Variants in TFRC observed in about 807,000 individuals in gnomAD.
TFRC encodes the protein transferrin receptor, also known as transferrin receptor protein 1.
Under a neutral mutation model 85.8 loss-of-function variants are expected in TFRC, and 35 were observed. The observed-to-expected ratio is 0.41, with a 90% CI of 0.31 to 0.54. TFRC has a LOEUF of 0.54. Among genes scored for constraint, TFRC ranks in the 20% least tolerant of loss-of-function variants. The pLI is 0.31. For synonymous variants in TFRC, 362 were observed against 328.6 expected (o/e 1.10, Z -1.10); for missense variants, 828 against 921.5 (o/e 0.90, Z 1.31).
rs543793578 is a variant in TFRC at position 196,060,037 on chromosome 3, A to G, written c.1536+143T>C. The G allele has an allele frequency of 2.7e-5, 17 of 620,130 alleles. No homozygotes were observed. In the South Asian group the frequency reaches 3.0e-4, roughly 11 times the overall value. 38.4% of individuals were successfully genotyped at this position (620,130 alleles called of 1,614,324 possible). ...ATCTCATATGGTTCAATAGGCAAGT[A>G]TCCCTTAAATAACGCTGCTATAAAA... On this transcript the variant is annotated intron_variant, in intron 14 of 18. Coordinates refer to ENST00000360110, the MANE Select transcript of TFRC (RefSeq NM_001128148.3).
chr3:196,065,327 C>T lies in TFRC; in HGVS notation c.1198+116G>A, dbSNP rs1717625822. ...TTAGGACAGACAAGATTGAGCACTT[C>T]ATAAAACCAAGCCAAGCCAGCATTC... is the stretch of plus-strand genomic sequence containing the variant. On this transcript the variant is annotated intron_variant, in intron 10 of 18. Coordinates refer to ENST00000360110, the MANE Select transcript of TFRC (RefSeq NM_001128148.3). 1.5e-5 allele frequency: 9 copies of T among 590,310 alleles called. No homozygotes were observed. The South Asian group carries it at 2.0e-4, about 13-fold the overall frequency. The allele number at this position is 590,310 out of a possible 1,614,324, so 36.6% of individuals were successfully genotyped here.
At position 196,050,950 on chromosome 3, in the gene TFRC, T is replaced by A; in HGVS notation, c.*992A>T. On this transcript the variant is annotated 3_prime_UTR_variant, in exon 19 of 19. Coordinates refer to ENST00000360110, the MANE Select transcript of TFRC (RefSeq NM_001128148.3). The stretch of plus-strand genomic sequence containing the variant: ...TTTTATTAGCAGATGCTGCTTTTAT[T>A]TAAAAAAAACCGACAGTATAACTGT... The A allele has an allele frequency of 5.0e-6, 1 of 199,868 alleles. No homozygotes were observed. Among genetic ancestry groups the A allele is most frequent in the Non-Finnish European group, 1.0e-5 (1 of 96,524 alleles). 12.4% of individuals were successfully genotyped at this position (199,868 alleles called of 1,614,324 possible). A position where few individuals can be genotyped will look rare whatever the true frequency, so the allele number is the denominator to read the frequency against.
chr3:196,067,454 T>C, intron 9 of TFRC, 64 bp downstream of exon 9: 2 of 1,506,726 alleles, frequency 1.3e-6, no homozygotes, highest in South Asian at 1.2e-5. Context: ...TTAATCAACA[T>C]ATTACCGTTC....
At position 196,060,233 on chromosome 3, in the gene TFRC, T is replaced by TG; in HGVS notation, c.1482dup (p.Lys495GlnfsTer13). On this transcript the variant is annotated frameshift_variant, in exon 14 of 19. Coordinates refer to ENST00000360110, the MANE Select transcript of TFRC (RefSeq NM_001128148.3). LOFTEE classifies it high-confidence loss of function. The stretch of plus-strand genomic sequence containing the variant: ...TACAACAGTGGGCTGGCAGAAACCT[T>TG]GAAGTTGCTGGTACCTGAAAATAAA... The TG allele has an allele frequency of 6.2e-7, 1 of 1,614,072 alleles. No individual in the cohort carries two copies. Among genetic ancestry groups the TG allele is most frequent in the Non-Finnish European group, 8.5e-7 (1 of 1,179,950 alleles).
intron 8 of TFRC, 46 bp downstream of exon 8, chr3:196,067,986 C>G: frequency 6.7e-7 from 1 of 1,496,492 alleles, no homozygotes. Context: ...AATCCAAGAA[C>G]AACTCAAGGA....
At chr3:196,071,941 A>G (rs1718244237) in intron 5 of TFRC, 62 bp downstream of exon 5, 68 of 1,559,592 alleles carry the variant, frequency 4.4e-5, no homozygotes, top group Non-Finnish European at 5.6e-5. Flanking sequence ...AGTCTTTGCT[A>G]TATTTAGCAC....
chr3:196,078,794 G>C (rs1338904308), intron 1 of TFRC, among the ~76,000 whole-genome samples: 1 of 149,216 alleles, frequency 6.7e-6, no homozygotes, highest in African/African-American at 2.5e-5. Context: ...TTTTTCTTGA[G>C]ACAGAGTTTC....
intron 18 of TFRC, 88 bp downstream of exon 18, chr3:196,053,330 C>CCTA: frequency 6.9e-7 from 1 of 1,454,678 alleles, no homozygotes; most frequent in South Asian, 1.2e-5. Flanking sequence ...ATTCTAGACT[C>CCTA]CTAGAGTTTG....
chr3:196,070,167 G>C (rs549102625), intron 6 of TFRC, among the ~76,000 whole-genome samples: 1 of 152,020 alleles, frequency 6.6e-6, no homozygotes, highest in Non-Finnish European at 1.5e-5. Flanking sequence ...GCCAGGCAAA[G>C]GGATAAAGCA....
intron 18 of TFRC, among the ~76,000 whole-genome samples, chr3:196,052,486 G>A (rs1392904085): frequency 2.0e-5 from 3 of 151,782 alleles, no homozygotes; most frequent in African/African-American, 7.3e-5. Flanking sequence ...TGTTGCCCAG[G>A]CTGGAGTACA....
rs1050609516 is a variant in TFRC at position 196,052,077 on chromosome 3, C to T, written c.2148G>A (p.Leu716=). ...CACCGTTATTTTGTTTACGCAGTTT[C>T]AAGTTCTCCAGTAAAGCTGGCAGCG... ...SHTLPALLEN[L]KLRKQNNGAF... is the part of the protein sequence containing the mutation. The change falls in exon 19 of 19, where the codon TTG becomes TTA. Residue 716 remains leucine, a synonymous_variant. Transcript: ENST00000360110. 6.8e-5 allele frequency: 109 copies of T among 1,614,042 alleles called. No individual in the cohort carries two copies. Among genetic ancestry groups the T allele is most frequent in the Non-Finnish European group, 9.1e-5 (107 of 1,180,032 alleles).
chr3:196,072,523 C>G (rs916488390), intron 4 of TFRC, among the ~76,000 whole-genome samples: 1 of 152,202 alleles, frequency 6.6e-6, no homozygotes, highest in Admixed American at 6.5e-5. Context: ...TGTGAAGCAT[C>G]TGAATACCCT....
chr3:196,073,822 T>A (rs1718431024), intron 4 of TFRC, 108 bp downstream of exon 4: 6 of 1,179,976 alleles, frequency 5.1e-6, no homozygotes, highest in Middle Eastern at 3.0e-4. Context: ...ACAAGTCTTG[T>A]CTTCTCTAAC....
chr3:196,076,451 CTTTTT>C (rs55649226), intron 2 of TFRC, among the ~76,000 whole-genome samples: 1 of 132,570 alleles, frequency 7.5e-6, no homozygotes, highest in African/African-American at 2.7e-5. Flanking sequence ...TCAGCCTTTG[CTTTTT>C]TTTTTTTTTT....
At chr3:196,054,458 T>A (rs1302827316) in intron 17 of TFRC, among the ~76,000 whole-genome samples, 1 of 152,122 alleles carries the variant, frequency 6.6e-6, no homozygotes, top group Admixed American at 6.6e-5. Flanking sequence ...AAGATTCGGT[T>A]GTCAGTGATT....
chr3:196,076,002 G>C (rs1414570925), intron 2 of TFRC, among the ~76,000 whole-genome samples: 4 of 151,574 alleles, frequency 2.6e-5, no homozygotes, highest in Non-Finnish European at 5.9e-5. Flanking sequence ...GCTGGGCATG[G>C]TGTCGCACGC....
intron 16 of TFRC, 177 bp downstream of exon 16, chr3:196,058,107 A>G: frequency 2.0e-6 from 1 of 494,328 alleles, no homozygotes; most frequent in Non-Finnish European, 3.7e-6. Flanking sequence ...AATTACCTCA[A>G]AGTAATTTTG....
intron 18 of TFRC, 105 bp from the exon 19 acceptor site, chr3:196,052,289 AGACT>A: frequency 9.8e-7 from 1 of 1,018,618 alleles, no homozygotes; most frequent in Non-Finnish European, 1.4e-6. Flanking sequence ...AATGCCGATC[AGACT>A]TTTTTTTTTT....
At chr3:196,073,171 A>T (rs958397927) in intron 4 of TFRC, among the ~76,000 whole-genome samples, 4 of 151,770 alleles carry the variant, frequency 2.6e-5, no homozygotes, top group Non-Finnish European at 4.4e-5. Flanking sequence ...ACTGAGCTGA[A>T]ATCGTGCCAC....
Sources: gnomAD v4.1 joint callset for allele counts (sites outside exome capture counted in the v4.1 genomes callset) on GRCh38, gnomAD v4.1.1 for gene constraint, MANE v1.5 for transcripts, NCBI Gene and HGNC (gene_info 2026-07-23, HGNC 2026-07-21) for gene names.